Variants in RERG observed in about 807,000 individuals in gnomAD.
RERG encodes RAS like estrogen regulated growth inhibitor, also known as ras-related and estrogen-regulated growth inhibitor.
RERG carries 25 observed loss-of-function variants against 23.2 expected under a neutral mutation model. That is an observed-to-expected ratio of 1.08 (90% confidence interval 0.79 to 1.50). The LOEUF (loss-of-function observed/expected upper bound fraction) is 1.50. RERG is among the 40% of genes most tolerant of loss of function. The pLI is 0.00. For missense variants in RERG, 253 were observed against 250.1 expected (o/e 1.01, Z -0.08); for synonymous variants, 81 against 89.1 (o/e 0.91, Z 0.51).
chr12:15,152,104 A>G (rs1864453047), intron 2 of RERG: 1 of 152,208 alleles, frequency 6.6e-6, no homozygotes, highest in African/African-American at 2.4e-5. Context: ...TTAAAGTACC[A>G]TTGCTGTTCA....
At chr12:15,113,314 A>C (rs542646620) in intron 3 of RERG, among the ~76,000 whole-genome samples, 1 of 152,210 alleles carries the variant, frequency 6.6e-6, no homozygotes, top group East Asian at 1.9e-4. Flanking sequence ...AAAAGAAAAA[A>C]CATCATGAAA....
intron 2 of RERG, among the ~76,000 whole-genome samples, chr12:15,206,113 C>A (rs58368403): frequency 0.34 from 51,900 of 151,942 alleles, 9,119 homozygotes; most frequent in African/African-American, 0.43. Context: ...AGCTCAATCC[C>A]TTCCCACTAT....
At chr12:15,168,562 G>A (rs1370982570) in intron 2 of RERG, among the ~76,000 whole-genome samples, 4 of 152,196 alleles carry the variant, frequency 2.6e-5, no homozygotes, top group African/African-American at 9.7e-5. Context: ...TCTTCCTGGT[G>A]TCATGTTGTG....
chr12:15,186,429 T>C (rs973835265), intron 2 of RERG, among the ~76,000 whole-genome samples: 1 of 152,216 alleles, frequency 6.6e-6, no homozygotes, highest in East Asian at 1.9e-4. Context: ...TGTTTTAAAT[T>C]TTCTCTACTC....
chr12:15,129,653 G>A (rs1447696517), intron 2 of RERG, among the ~76,000 whole-genome samples: 2 of 152,058 alleles, frequency 1.3e-5, no homozygotes, highest in African/African-American at 4.8e-5. Flanking sequence ...TTCAAGCAGA[G>A]AGAAGGGGCC....
At chr12:15,187,468 T>C (rs1865008826) in intron 2 of RERG, among the ~76,000 whole-genome samples, 1 of 152,152 alleles carries the variant, frequency 6.6e-6, no homozygotes, top group African/African-American at 2.4e-5. Flanking sequence ...AGTTTGACAA[T>C]GTCAGCTACA....
At chr12:15,164,038 A>G (rs765760658) in intron 2 of RERG, among the ~76,000 whole-genome samples, 1 of 152,198 alleles carries the variant, frequency 6.6e-6, no homozygotes, top group Non-Finnish European at 1.5e-5. Flanking sequence ...GAAGAGAGAC[A>G]AGGAAATGCA....
chr12:15,163,469 G>T (rs1864643086), intron 2 of RERG, among the ~76,000 whole-genome samples: 1 of 152,198 alleles, frequency 6.6e-6, no homozygotes, highest in Non-Finnish European at 1.5e-5. Flanking sequence ...TAGCGGATAA[G>T]ACATACATGT....
chr12:15,142,118 TCA>T (rs1565516882), intron 2 of RERG, among the ~76,000 whole-genome samples: 1 of 152,236 alleles, frequency 6.6e-6, no homozygotes, highest in African/African-American at 2.4e-5. Context: ...ATATATTTAA[TCA>T]CAAAATATTG....
intron 2 of RERG, 141 bp from the exon 3 acceptor site, chr12:15,121,260 TTA>T (rs1431685940): frequency 4.7e-6 from 3 of 631,656 alleles, no homozygotes; most frequent in African/African-American, 3.7e-5. Context: ...ATAAATTTTT[TTA>T]TGTTTATTCA....
At chr12:15,168,972 C>A (rs1864734737) in intron 2 of RERG, among the ~76,000 whole-genome samples, 1 of 152,134 alleles carries the variant, frequency 6.6e-6, no homozygotes, top group African/African-American at 2.4e-5. Flanking sequence ...TCTGCTGATA[C>A]ACTAAAGGTT....
At chr12:15,142,185 C>A (rs1428686499) in intron 2 of RERG, among the ~76,000 whole-genome samples, 1 of 152,144 alleles carries the variant, frequency 6.6e-6, no homozygotes, top group Non-Finnish European at 1.5e-5. Context: ...CAAATATTTA[C>A]ATATTTTATC....
Position 15,148,672 on chromosome 12 carries a change from A to G in RERG, c.62-27553T>C, listed in dbSNP as rs1864375133. Among the ~76,000 whole-genome samples the G allele has an allele frequency of 2.0e-5, 3 of 152,178 alleles. No homozygotes were observed. The South Asian group carries it at 6.2e-4, about 32-fold the overall frequency. ...TTAAGGAGTCATGAAGTGAATGAGA[A>G]GAAGTCACTTTTATTACAACTACTA... On this transcript the variant is annotated intron_variant, in intron 2 of 4. Coordinates refer to ENST00000256953, the MANE Select transcript of RERG (RefSeq NM_032918.3).
chr12:15,137,242 A>T (rs571914675), intron 2 of RERG, among the ~76,000 whole-genome samples: 1 of 151,486 alleles, frequency 6.6e-6, no homozygotes, highest in African/African-American at 2.4e-5. Flanking sequence ...TTTTCTTTTT[A>T]TTGACATTAT....
At chr12:15,202,205 C>CA (rs932863676) in intron 2 of RERG, among the ~76,000 whole-genome samples, 1 of 151,756 alleles carries the variant, frequency 6.6e-6, no homozygotes, top group Non-Finnish European at 1.5e-5. Context: ...ACCATCACCA[C>CA]AATTAAGGGT....
chr12:15,214,954 A>T (rs1865420322), intron 2 of RERG, among the ~76,000 whole-genome samples: 1 of 152,246 alleles, frequency 6.6e-6, no homozygotes, highest in South Asian at 2.1e-4. Context: ...TACTTTTAAA[A>T]TGTGAGGTGC....
chr12:15,120,338 TG>T (rs1370973094), intron 3 of RERG, among the ~76,000 whole-genome samples: 2 of 152,188 alleles, frequency 1.3e-5, no homozygotes, highest in East Asian at 3.8e-4. Context: ...CTTCTCTTTC[TG>T]TATACTGATT....
chr12:15,149,522 A>T (rs1011263699), intron 2 of RERG, among the ~76,000 whole-genome samples: 2 of 152,164 alleles, frequency 1.3e-5, no homozygotes, highest in African/African-American at 4.8e-5. Context: ...GGGGAGAAAG[A>T]TGTTCATTAA....
intron 2 of RERG, among the ~76,000 whole-genome samples, chr12:15,130,521 T>C (rs1356326479): frequency 2.0e-5 from 3 of 152,072 alleles, no homozygotes; most frequent in African/African-American, 7.2e-5. Context: ...TCACCTGTCC[T>C]CTTTTTCTAT....
Sources: allele counts gnomAD v4.1 joint callset (sites outside exome capture counted in the v4.1 genomes callset), GRCh38; gene constraint gnomAD v4.1.1; transcripts MANE v1.5; gene names NCBI Gene and HGNC (gene_info 2026-07-23, HGNC 2026-07-21).